MTHFD2L: variants seen among roughly 807,000 people sequenced by gnomAD.
MTHFD2L encodes methylenetetrahydrofolate dehydrogenase (NADP+ dependent) 2 like, also known as bifunctional methylenetetrahydrofolate dehydrogenase/cyclohydrolase 2, mitochondrial.
Under a neutral mutation model 34.9 loss-of-function variants are expected in MTHFD2L, and 29 were observed. The observed-to-expected ratio is 0.83, with a 90% CI of 0.62 to 1.13. The LOEUF (loss-of-function observed/expected upper bound fraction) is 1.13. Among genes scored for constraint, MTHFD2L ranks in the 50% most tolerant of loss-of-function variants. The pLI is 0.00. For synonymous variants in MTHFD2L, 167 were observed against 155.7 expected, an observed-to-expected ratio of 1.07 and a Z score of -0.54; for missense variants, 481 against 446.5, an observed-to-expected ratio of 1.08 and a Z score of -0.70.
At chr4:74,115,865 G>GT (rs369079471) in intron 2 of MTHFD2L, among the ~76,000 whole-genome samples, 8 of 152,232 alleles carry the variant, frequency 5.3e-5, no homozygotes, top group African/African-American at 1.9e-4. Context: ...GCTACTACAG[G>GT]TACATGCTCT....
chr4:74,222,109 C>A (rs1019357634), intron 5 of MTHFD2L, among the ~76,000 whole-genome samples: 1 of 151,676 alleles, frequency 6.6e-6, no homozygotes, highest in African/African-American at 2.4e-5. Context: ...TTGTTGATTC[C>A]TGTTATTACA....
intron 1 of MTHFD2L, among the ~76,000 whole-genome samples, chr4:74,132,378 C>T (rs1041829124): frequency 1.9e-4 from 29 of 152,108 alleles, no homozygotes; most frequent in African/African-American, 6.8e-4. Flanking sequence ...GAAAATGTGG[C>T]ACATATACAC....
chr4:74,275,508 T>G (rs1746500459), intron 6 of MTHFD2L, among the ~76,000 whole-genome samples: 1 of 152,180 alleles, frequency 6.6e-6, no homozygotes, highest in Non-Finnish European at 1.5e-5. Context: ...TCTAGATCCT[T>G]GAGGAATCAC....
intron 1 of MTHFD2L, among the ~76,000 whole-genome samples, chr4:74,174,205 C>T (rs181180047): frequency 6.6e-6 from 1 of 152,178 alleles, no homozygotes; most frequent in East Asian, 1.9e-4. Context: ...ACCCAAAGGA[C>T]CTACCTCCTA....
At chr4:74,254,619 C>G (rs1262595273) in intron 6 of MTHFD2L, among the ~76,000 whole-genome samples, 1 of 148,658 alleles carries the variant, frequency 6.7e-6, no homozygotes, top group Non-Finnish European at 1.5e-5. Context: ...GAGTTTATCA[C>G]CACTGGACAT....
chr4:74,278,151 G>A (rs776161624), intron 6 of MTHFD2L, among the ~76,000 whole-genome samples: 9 of 152,078 alleles, frequency 5.9e-5, no homozygotes, highest in Non-Finnish European at 1.2e-4. Flanking sequence ...TAGTTTGATA[G>A]CAAGTGATAA....
intron 6 of MTHFD2L, among the ~76,000 whole-genome samples, chr4:74,272,623 C>T (rs368267584): frequency 3.3e-5 from 5 of 151,956 alleles, no homozygotes; most frequent in Non-Finnish European, 5.9e-5. Flanking sequence ...TTGGTAATAC[C>T]GGATTGTTTT....
At chr4:74,292,212 T>C (rs1749050243) in intron 7 of MTHFD2L, among the ~76,000 whole-genome samples, 1 of 152,198 alleles carries the variant, frequency 6.6e-6, no homozygotes, top group African/African-American at 2.4e-5. Context: ...GTCTAGGCCT[T>C]TGAAATCAAA....
At chr4:74,264,502 A>G in intron 6 of MTHFD2L, among the ~76,000 whole-genome samples, 1 of 151,902 alleles carries the variant, frequency 6.6e-6, no homozygotes, top group East Asian at 1.9e-4. Context: ...AATATTTCAT[A>G]TATATATTAT....
At chr4:74,253,706 G>T (rs1743623603) in intron 6 of MTHFD2L, among the ~76,000 whole-genome samples, 1 of 152,086 alleles carries the variant, frequency 6.6e-6, no homozygotes, top group East Asian at 1.9e-4. Context: ...GCTTGCTCAT[G>T]CTGACACAGG....
intron 6 of MTHFD2L, among the ~76,000 whole-genome samples, chr4:74,248,996 T>A (rs1188893725): frequency 1.3e-5 from 2 of 152,178 alleles, no homozygotes; most frequent in Non-Finnish European, 2.9e-5. Context: ...GTGTATTAGG[T>A]CTGCTTGGTG....
chr4:74,234,357 C>T (rs1211195009), intron 6 of MTHFD2L, among the ~76,000 whole-genome samples: 1 of 152,012 alleles, frequency 6.6e-6, no homozygotes, highest in East Asian at 1.9e-4. Context: ...TATTTTCAAT[C>T]TACCTGTTTT....
intron 5 of MTHFD2L, among the ~76,000 whole-genome samples, chr4:74,215,092 A>G (rs979679274): frequency 6.6e-6 from 1 of 151,774 alleles, no homozygotes; most frequent in African/African-American, 2.4e-5. Flanking sequence ...TCAGACTGCT[A>G]TGCTGGCAGT....
chr4:74,216,934 T>C (rs1007443047), intron 5 of MTHFD2L, among the ~76,000 whole-genome samples: 5 of 151,826 alleles, frequency 3.3e-5, no homozygotes, highest in African/African-American at 7.3e-5. Context: ...TTCCACATCA[T>C]AGGTCTTGAT....
At chr4:74,247,750 G>A (rs1742694647) in intron 6 of MTHFD2L, among the ~76,000 whole-genome samples, 1 of 152,134 alleles carries the variant, frequency 6.6e-6, no homozygotes, top group Admixed American at 6.5e-5. Context: ...TGTGGTTTTT[G>A]TCTTTGGTTC....
chr4:74,157,036 G>A (rs550091799), upstream of MTHFD2L: 19 of 152,266 alleles, frequency 1.2e-4, no homozygotes, highest in African/African-American at 4.3e-4. Flanking sequence ...CATGGCAGAA[G>A]TTTAAATTGT....
intron 6 of MTHFD2L, among the ~76,000 whole-genome samples, chr4:74,226,671 G>T (rs1739217852): frequency 6.6e-6 from 1 of 152,092 alleles, no homozygotes; most frequent in Admixed American, 6.6e-5. Flanking sequence ...GAATAGCAAA[G>T]ATAGTACTAA....
intron 6 of MTHFD2L, among the ~76,000 whole-genome samples, chr4:74,253,242 C>T (rs1023398588): frequency 2.0e-5 from 3 of 152,030 alleles, no homozygotes; most frequent in Non-Finnish European, 2.9e-5. Flanking sequence ...CACTCCCCCA[C>T]CAAAATATAT....
intron 1 of MTHFD2L, among the ~76,000 whole-genome samples, chr4:74,141,209 G>C (rs1239394708): frequency 6.6e-6 from 1 of 152,088 alleles, no homozygotes; most frequent in African/African-American, 2.4e-5. Flanking sequence ...TTTCAAGAAG[G>C]CCAAAGTTGC....
Sources: gnomAD v4.1 joint callset for allele counts (sites outside exome capture counted in the v4.1 genomes callset) on GRCh38, gnomAD v4.1.1 for gene constraint, MANE v1.5 for transcripts, NCBI Gene and HGNC (gene_info 2026-07-23, HGNC 2026-07-21) for gene names.